The following ZRANB3 variants were observed in gnomAD, a reference collection of about 807,000 sequenced individuals.
ZRANB3 encodes the protein zinc finger RANBP2-type containing 3, also known as DNA annealing helicase and endonuclease ZRANB3.
ZRANB3 carries 125 observed loss-of-function variants against 133.8 expected under a neutral mutation model. The ratio of observed to expected loss-of-function variants is 0.93; its 90% confidence interval spans 0.81 to 1.08. The LOEUF (loss-of-function observed/expected upper bound fraction) is 1.08, where lower values mean the gene tolerates loss of function less well. Ranked by LOEUF, ZRANB3 falls within the 50% of genes least tolerant of loss-of-function variation. The pLI is 0.00. For missense variants in ZRANB3, 1,229 were observed against 1,275.5 expected, an observed-to-expected ratio of 0.96 and a Z score of 0.56; for synonymous variants, 387 against 432.7, an observed-to-expected ratio of 0.89 and a Z score of 1.31.
intron 2 of ZRANB3, among the ~76,000 whole-genome samples, chr2:135,436,677 G>C (rs1301868409): frequency 6.6e-6 from 1 of 152,110 alleles, no homozygotes; most frequent in Non-Finnish European, 1.5e-5. Flanking sequence ...TCATTAAAAT[G>C]GCCATACTGC....
In ZRANB3 at chr2:135,455,172, T is replaced by A. The variant is rs1021210303; in HGVS notation, c.161+49157A>T. ...ATGGGATCACAATGCCTTCTTATAC[T>A]TTTTTTTTTTTTTTTTTTTTTTTTT... On this transcript the variant is annotated intron_variant, in intron 2 of 20. Coordinates refer to ENST00000264159, the MANE Select transcript of ZRANB3 (RefSeq NM_032143.4). Among the ~76,000 whole-genome samples, 8 of 57,012 alleles carry A rather than the reference T, an allele frequency of 1.4e-4. No individual in the cohort carries two copies. The African/African-American group carries it at 1.4e-3, about 10-fold the overall frequency. 37.4% of individuals were successfully genotyped at this position (57,012 alleles called of 152,430 possible).
chr2:135,321,293 C>T (rs1683513197), intron 6 of ZRANB3, among the ~76,000 whole-genome samples: 1 of 152,176 alleles, frequency 6.6e-6, no homozygotes, highest in African/African-American at 2.4e-5. Flanking sequence ...TGTTCGGTAA[C>T]CTTGCCACCA....
intron 15 of ZRANB3, among the ~76,000 whole-genome samples, chr2:135,222,227 A>C (rs1195771412): frequency 2.0e-5 from 3 of 151,882 alleles, no homozygotes; most frequent in African/African-American, 7.3e-5. Flanking sequence ...ACACAGTGGA[A>C]CCCTGTCTCT....
At chr2:135,403,302 T>G (rs1687830370) in intron 2 of ZRANB3, among the ~76,000 whole-genome samples, 1 of 152,136 alleles carries the variant, frequency 6.6e-6, no homozygotes, top group Non-Finnish European at 1.5e-5. Context: ...CACCAGGAGA[T>G]TATATCCCGC....
At chr2:135,500,407 G>T (rs1001511706) in intron 2 of ZRANB3, among the ~76,000 whole-genome samples, 1 of 151,998 alleles carries the variant, frequency 6.6e-6, no homozygotes, top group Non-Finnish European at 1.5e-5. Flanking sequence ...ATAAATTATG[G>T]TATATTCACA....
chr2:135,324,814 G>C (rs904469548), intron 6 of ZRANB3, among the ~76,000 whole-genome samples: 10 of 151,960 alleles, frequency 6.6e-5, no homozygotes, highest in Admixed American at 5.2e-4. Flanking sequence ...GTTTTGATTT[G>C]CATTTCTCTG....
chr2:135,360,934 GGTTT>G (rs148805971), intron 3 of ZRANB3, among the ~76,000 whole-genome samples: 38,917 of 149,718 alleles, frequency 0.26, 8,399 homozygotes, highest in African/African-American at 0.59. Context: ...GCCTGTTTTT[GGTTT>G]GTTTGTTTGT....
chr2:135,354,604 GA>G (rs1280941472), intron 3 of ZRANB3, among the ~76,000 whole-genome samples: 7 of 152,150 alleles, frequency 4.6e-5, no homozygotes, highest in Admixed American at 2.0e-4. Flanking sequence ...AATAAAAAAA[GA>G]ATGAACTCAT....
At chr2:135,522,942 G>A (rs1694009221) in intron 1 of ZRANB3, among the ~76,000 whole-genome samples, 1 of 152,122 alleles carries the variant, frequency 6.6e-6, no homozygotes. Flanking sequence ...GAATGTGGGG[G>A]CAGGAATAAC....
chr2:135,479,060 C>CT (rs1339704266), intron 2 of ZRANB3, among the ~76,000 whole-genome samples: 1 of 151,544 alleles, frequency 6.6e-6, no homozygotes. Context: ...CCCCTTCTAA[C>CT]AATAGTATAA....
Position 135,209,025 on chromosome 2 carries a change from A to G in ZRANB3, c.2496-47T>C, listed in dbSNP as rs1693995379. On this transcript the variant is annotated intron_variant, in intron 17 of 20. Coordinates refer to ENST00000264159, the MANE Select transcript of ZRANB3 (RefSeq NM_032143.4). The stretch of plus-strand genomic sequence containing the variant: ...TAGATTCCCTCTATCTCATATAAAA[A>G]TGTCTCTATTGCATGTTTACATTGT... 2.6e-6 allele frequency: 4 copies of G among 1,548,590 alleles called. No homozygotes were observed. In the East Asian group the frequency reaches 9.0e-5, roughly 35 times the overall value.
chr2:135,484,426 T>C (rs1469751616), intron 2 of ZRANB3, among the ~76,000 whole-genome samples: 2 of 152,154 alleles, frequency 1.3e-5, no homozygotes. Flanking sequence ...ATACTATAAA[T>C]TTCATGTATT....
At position 135,376,190 on chromosome 2, in the gene ZRANB3, G is replaced by A. The variant is rs866776488; in HGVS notation, c.180+14612C>T. On this transcript the variant is annotated intron_variant, in intron 3 of 20. Transcript: ENST00000264159. ...AAAGGCATGGAACAGATTATCCCTC[G>A]GAAACATCAGAAGAAACCTACCCTG... 4.6e-5 allele frequency among the ~76,000 whole-genome samples: 7 copies of A among 152,094 alleles called. No individual in the cohort carries two copies. In the South Asian group the frequency reaches 6.2e-4, roughly 14 times the overall value.
intron 8 of ZRANB3, among the ~76,000 whole-genome samples, chr2:135,283,162 A>G (rs1213326232): frequency 1.3e-5 from 2 of 152,076 alleles, no homozygotes; most frequent in Non-Finnish European, 2.9e-5. Context: ...GCATGTGCCT[A>G]TATTCCCAGC....
At chr2:135,222,721 T>C (rs1218794006) in intron 15 of ZRANB3, among the ~76,000 whole-genome samples, 1 of 152,080 alleles carries the variant, frequency 6.6e-6, no homozygotes, top group Non-Finnish European at 1.5e-5. Context: ...TAAATATTTT[T>C]TTGACTTGGA....
chr2:135,492,665 CA>C (rs1286612030), intron 2 of ZRANB3, among the ~76,000 whole-genome samples: 1 of 151,888 alleles, frequency 6.6e-6, no homozygotes, highest in Non-Finnish European at 1.5e-5. Flanking sequence ...TGAAAATTTA[CA>C]AAGAGAAAGT....
At chr2:135,333,689 G>T (rs1684252108) in intron 6 of ZRANB3, among the ~76,000 whole-genome samples, 1 of 152,126 alleles carries the variant, frequency 6.6e-6, no homozygotes, top group South Asian at 2.1e-4. Context: ...CTGTAATGAT[G>T]AAAAAGTTCT....
At position 135,219,113 on chromosome 2, in the gene ZRANB3, T is replaced by C. The variant is rs145206010; in HGVS notation, c.2316A>G (p.Leu772=). The change falls in exon 16 of 21, where the codon TTA becomes TTG. Residue 772 remains leucine (L), a synonymous_variant. Transcript: ENST00000264159. ...LDIKLDLWED[L]PASFQLKQYR... ...ATTGTTTCAGCTGAAAGCTTGCTGGTAAATCTTCCCAAAGGTCTAATTTTA... is the reference window on the plus strand; with the variant it reads ...ATTGTTTCAGCTGAAAGCTTGCTGGCAAATCTTCCCAAAGGTCTAATTTTA... 702 of 1,533,488 alleles carry C rather than the reference T, an allele frequency of 4.6e-4. 9 individuals are homozygous for C. The South Asian group carries it at 8.3e-3, about 18-fold the overall frequency. The allele number at this position is 1,533,488 out of a possible 1,614,324, so 95.0% of individuals were successfully genotyped here.
intron 8 of ZRANB3, among the ~76,000 whole-genome samples, chr2:135,280,550 A>G (rs375382726): frequency 1.3e-5 from 2 of 152,312 alleles, no homozygotes; most frequent in African/African-American, 2.4e-5. Flanking sequence ...CTGGGCAACA[A>G]GAGTAAAACT....
Sources: allele counts gnomAD v4.1 joint callset (sites outside exome capture counted in the v4.1 genomes callset), GRCh38; gene constraint gnomAD v4.1.1; transcripts MANE v1.5; gene names NCBI Gene and HGNC (gene_info 2026-07-23, HGNC 2026-07-21).